Variants in TBCK observed in about 807,000 individuals in gnomAD.
The protein encoded by TBCK is TBC domain-containing protein kinase-like protein.
In TBCK, 99 loss-of-function variants were observed where a neutral mutation model predicts 113.4. The observed-to-expected ratio is 0.87, with a 90% CI of 0.74 to 1.03. The LOEUF (loss-of-function observed/expected upper bound fraction) is 1.03, where lower values mean the gene tolerates loss of function less well. Ranked by LOEUF, TBCK falls within the 50% of genes least tolerant of loss-of-function variation. TBCK has a pLI of 0.00. For synonymous variants in TBCK, 369 were observed against 370.8 expected (o/e 1.00, Z 0.05); for missense variants, 1,045 against 1,061.3 (o/e 0.98, Z 0.21).
intron 3 of TBCK, among the ~76,000 whole-genome samples, chr4:106,268,478 T>TGGTACAAGG (rs1157114975): frequency 6.6e-6 from 1 of 151,960 alleles, no homozygotes; most frequent in Non-Finnish European, 1.5e-5. Flanking sequence ...TATCACACAA[T>TGGTACAAGG]GGTACAAGGG....
At position 106,111,286 on chromosome 4, in the gene TBCK, T is replaced by A. The variant is rs146233757; in HGVS notation, c.2411+4917A>T. ...CCCCAAAAGTCTGGTAAATGGAGAC[T>A]TTTGCATGACTTACGTGCTATTGAT... On this transcript the variant is annotated intron_variant, in intron 24 of 25. Transcript: ENST00000394708. Among the ~76,000 whole-genome samples the A allele has an allele frequency of 5.6e-3, 859 of 152,322 alleles. 9 individuals carry two copies. The highest frequency in any genetic ancestry group is 0.02 in the African/African-American group (839 of 41,564).
intron 20 of TBCK, among the ~76,000 whole-genome samples, chr4:106,199,257 A>C (rs1754606880): frequency 6.6e-6 from 1 of 152,060 alleles, no homozygotes; most frequent in Non-Finnish European, 1.5e-5. Context: ...AATCAGCAGG[A>C]TTTGACAAAG....
intron 24 of TBCK, among the ~76,000 whole-genome samples, chr4:106,111,322 A>C (rs976863659): frequency 5.9e-5 from 9 of 152,200 alleles, no homozygotes; most frequent in African/African-American, 2.2e-4. Flanking sequence ...GCTAATTTGC[A>C]ACCTATGGGG....
At chr4:106,263,774 G>C (rs1243290275) in intron 3 of TBCK, among the ~76,000 whole-genome samples, 2 of 151,832 alleles carry the variant, frequency 1.3e-5, no homozygotes, top group Non-Finnish European at 2.9e-5. Flanking sequence ...AGAGATAAAA[G>C]CTAAAATTTG....
chr4:106,201,248 AT>A (rs1381503386), intron 20 of TBCK, among the ~76,000 whole-genome samples: 1 of 151,876 alleles, frequency 6.6e-6, no homozygotes, highest in Non-Finnish European at 1.5e-5. Context: ...AATGTCTATT[AT>A]TTTTTCTTTC....
rs1760563616 is a variant in TBCK at position 106,244,679 on chromosome 4, C to T, written c.1017G>A (p.Glu339=). ...ATCGAATGATTTCCTTGTTGACAAG[C>T]TCTTTCTCCAAGTCACCTCCAGCCA... ...WCLAGGDLEK[E]LVNKEIIRSK... The change falls in exon 11 of 26, where the codon GAG becomes GAA. Residue 339 remains glutamate (E), a synonymous_variant. Coordinates refer to ENST00000394708, the MANE Select transcript of TBCK (RefSeq NM_001163435.3). The T allele has an allele frequency of 6.2e-7, 1 of 1,612,574 alleles. No individual in the cohort carries two copies. The highest frequency in any genetic ancestry group is 1.1e-5 in the South Asian group (1 of 90,888).
chr4:106,153,692 G>A (rs1250104491), intron 23 of TBCK, among the ~76,000 whole-genome samples: 2 of 152,016 alleles, frequency 1.3e-5, no homozygotes, highest in Non-Finnish European at 2.9e-5. Context: ...TATTGTATGG[G>A]TTCCATCTCT....
chr4:106,076,629 T>A (rs1578825037), intron 25 of TBCK, among the ~76,000 whole-genome samples: 1 of 151,920 alleles, frequency 6.6e-6, no homozygotes, highest in African/African-American at 2.4e-5. Flanking sequence ...AAGCGGCGGG[T>A]CACTTACAAA....
At chr4:106,088,523 T>C (rs571434947) in intron 25 of TBCK, among the ~76,000 whole-genome samples, 1 of 152,324 alleles carries the variant, frequency 6.6e-6, no homozygotes, top group South Asian at 2.1e-4. Flanking sequence ...TCAACCATTG[T>C]AGAAGACAGT....
At chr4:106,220,565 A>T (rs1757560488) in intron 19 of TBCK, among the ~76,000 whole-genome samples, 1 of 136 alleles carries the variant, frequency 7.4e-3, no homozygotes, top group African/African-American at 0.036. Context: ...GTATTCCATG[A>T]CAAGCTGAAT....
At chr4:106,061,540 G>A (rs1046121829) in intron 25 of TBCK, among the ~76,000 whole-genome samples, 1 of 149,972 alleles carries the variant, frequency 6.7e-6, no homozygotes, top group African/African-American at 2.4e-5. Flanking sequence ...ACAGTATAGT[G>A]TAAACCACTT....
rs1458229989 is a variant in TBCK at position 106,124,673 on chromosome 4, A to C, written c.2236-8295T>G. 3.9e-5 allele frequency among the ~76,000 whole-genome samples: 6 copies of C among 152,248 alleles called. No individual in the cohort carries two copies. The East Asian group carries it at 1.2e-3, about 29-fold the overall frequency. ...ACACCATGGAATACTATGCAGCCAT[A>C]AAAAATGATGAGTTCATGTCCTTTG... On this transcript the variant is annotated intron_variant, in intron 23 of 25. Coordinates refer to ENST00000394708, the MANE Select transcript of TBCK (RefSeq NM_001163435.3).
intron 5 of TBCK, chr4:106,255,009 T>TTTA (rs1553978743): frequency 3.1e-6 from 1 of 323,168 alleles, no homozygotes; most frequent in Non-Finnish European, 6.2e-6. Context: ...TCTACATACA[T>TTTA]TTTAAAACTA....
At chr4:106,218,362 G>C (rs1212947119) in intron 19 of TBCK, among the ~76,000 whole-genome samples, 1 of 149,488 alleles carries the variant, frequency 6.7e-6, no homozygotes, top group Admixed American at 6.6e-5. Context: ...AGACAAAATT[G>C]ACAAATGGGA....
intron 25 of TBCK, among the ~76,000 whole-genome samples, chr4:106,058,684 A>T (rs979125441): frequency 6.6e-6 from 1 of 151,776 alleles, no homozygotes; most frequent in African/African-American, 2.4e-5. Flanking sequence ...AACACAGAGC[A>T]GAATCCAGAT....
chr4:106,309,308 T>C (rs939528987), intron 1 of TBCK, among the ~76,000 whole-genome samples: 14 of 97,602 alleles, frequency 1.4e-4, no homozygotes, highest in African/African-American at 4.0e-4. Flanking sequence ...CTCTTCTCTT[T>C]TTTTTTTTTT....
intron 25 of TBCK, among the ~76,000 whole-genome samples, chr4:106,078,169 C>T (rs935672036): frequency 2.0e-5 from 3 of 152,084 alleles, no homozygotes; most frequent in African/African-American, 7.2e-5. Flanking sequence ...CACTAAACTC[C>T]TACGTGAAGA....
chr4:106,186,437 T>G (rs1252745662), intron 22 of TBCK, among the ~76,000 whole-genome samples: 1 of 152,066 alleles, frequency 6.6e-6, no homozygotes. Flanking sequence ...TGACTGGTAT[T>G]AGATAGTATC....
intron 23 of TBCK, among the ~76,000 whole-genome samples, chr4:106,120,503 T>A (rs1366707661): frequency 6.6e-6 from 1 of 152,176 alleles, no homozygotes; most frequent in African/African-American, 2.4e-5. Flanking sequence ...AGGCTCCACC[T>A]CTGGGGGCAG....
Sources: allele counts gnomAD v4.1 joint callset (sites outside exome capture counted in the v4.1 genomes callset), GRCh38; gene constraint gnomAD v4.1.1; transcripts MANE v1.5; gene names NCBI Gene and HGNC (gene_info 2026-07-23, HGNC 2026-07-21).